Variants in ZBTB25 observed in about 807,000 individuals in gnomAD.
The protein encoded by ZBTB25 is zinc finger and BTB domain-containing protein 25.
Under a neutral mutation model 34.2 loss-of-function variants are expected in ZBTB25, and 20 were observed. That is an observed-to-expected ratio of 0.58 (90% CI 0.41 to 0.85). The LOEUF (loss-of-function observed/expected upper bound fraction) is 0.85. Ranked by LOEUF, ZBTB25 falls within the 40% of genes least tolerant of loss-of-function variation. The probability of loss-of-function intolerance (pLI) is 0.00; values close to 1 mark genes in which losing one functional copy is unlikely to be tolerated. For missense variants in ZBTB25, 437 were observed against 521.8 expected (o/e 0.84, Z 1.58); for synonymous variants, 175 against 186.4 (o/e 0.94, Z 0.50).
At chr14:64,464,406 AT>A (rs1211807636) in intron 2 of ZBTB25, among the ~76,000 whole-genome samples, 7 of 152,260 alleles carry the variant, frequency 4.6e-5, no homozygotes, top group African/African-American at 1.7e-4. Context: ...TTTATCTGTA[AT>A]TTTAAGATCT....
intron 2 of ZBTB25, 29 bp downstream of exon 2, chr14:64,490,332 A>T (rs781365688): frequency 3.5e-5 from 52 of 1,496,368 alleles, no homozygotes; most frequent in Non-Finnish European, 4.6e-5. Context: ...CAATATTAAA[A>T]ATTCTTATTT....
chr14:64,499,301 A>C (rs2079403464), intron 1 of ZBTB25: 1 of 152,106 alleles, frequency 6.6e-6, no homozygotes. Context: ...ATGGCCAGGC[A>C]TGGTGGCTCG....
intron 2 of ZBTB25, among the ~76,000 whole-genome samples, chr14:64,457,459 C>CTT (rs35789478): frequency 5.1e-4 from 73 of 143,202 alleles, no homozygotes; most frequent in South Asian, 1.8e-3. Flanking sequence ...TTTTCTTTTC[C>CTT]TTTTTTTTTT....
intron 1 of ZBTB25, among the ~76,000 whole-genome samples, chr14:64,494,618 G>A (rs752273529): frequency 2.0e-5 from 3 of 151,872 alleles, no homozygotes; most frequent in Non-Finnish European, 2.9e-5. Context: ...AACAGAGCGA[G>A]ACTCTGTCTC....
Position 64,458,106 on chromosome 14 carries a change from G to A in ZBTB25, c.174-8468C>T. 10 of 885,270 alleles carry A rather than the reference G, an allele frequency of 1.1e-5. No homozygotes were observed. In the South Asian group the frequency reaches 1.3e-4, roughly 12 times the overall value. The allele number at this position is 885,270 out of a possible 1,614,324, so 54.8% of individuals were successfully genotyped here. On this transcript the variant is annotated intron_variant, in intron 2 of 2. Transcript: ENST00000555220. ...GGGTCTCACTATGTTGCCCAGGGTG[G>A]TTTAGAACTCCTGGCCTCAAGTGAT...
At chr14:64,495,517 T>C (rs1940036429) in intron 1 of ZBTB25, among the ~76,000 whole-genome samples, 1 of 152,250 alleles carries the variant, frequency 6.6e-6, no homozygotes, top group African/African-American at 2.4e-5. Context: ...TTATTACAGT[T>C]GTAGCCACCT....
intron 2 of ZBTB25, chr14:64,454,664 G>A: frequency 2.9e-6 from 4 of 1,397,774 alleles, no homozygotes; most frequent in Non-Finnish European, 4.1e-6. Context: ...GGGCCCAGAT[G>A]GTCATTGCTG....
chr14:64,494,383 A>T (rs1255042636), intron 1 of ZBTB25, among the ~76,000 whole-genome samples: 1 of 152,256 alleles, frequency 6.6e-6, no homozygotes, highest in African/African-American at 2.4e-5. Flanking sequence ...CTGTAATCCC[A>T]GCCCTTTGGG....
downstream of ZBTB25, among the ~76,000 whole-genome samples, chr14:64,476,434 T>A (rs1040771689): frequency 6.6e-6 from 1 of 152,184 alleles, no homozygotes; most frequent in Admixed American, 6.5e-5. Flanking sequence ...CAAGCTATTC[T>A]CTTGCCTCAG....
chr14:64,479,090 T>C lies in ZBTB25; in HGVS notation c.*7833A>G, dbSNP rs917163546. On this transcript the variant is annotated 3_prime_UTR_variant, in exon 3 of 3. Coordinates refer to ENST00000608382, the MANE Select transcript of ZBTB25 (RefSeq NM_006977.5). ...AAGCTGGGATCAAGGATAATACAAA[T>C]AGAATTTAATTCTGAACACATCTCA... The C allele has an allele frequency of 2.0e-5, 3 of 152,214 alleles. No homozygotes were observed. Among genetic ancestry groups the C allele is most frequent in the African/African-American group, 7.2e-5 (3 of 41,444 alleles). 9.4% of individuals were successfully genotyped at this position (152,214 alleles called of 1,614,324 possible).
intron 2 of ZBTB25, chr14:64,468,050 C>G (rs932073294): frequency 6.2e-6 from 1 of 161,904 alleles, no homozygotes; most frequent in African/African-American, 2.4e-5. Context: ...CTGGTAGAAT[C>G]TTATACATTC....
chr14:64,454,999 G>A (rs2078446159), intron 2 of ZBTB25: 2 of 993,658 alleles, frequency 2.0e-6, no homozygotes, highest in Non-Finnish European at 3.2e-6. Flanking sequence ...TTGGAATCGG[G>A]CCTATTATGA....
intron 2 of ZBTB25, chr14:64,458,168 A>T (rs1199703164): frequency 1.4e-6 from 2 of 1,440,130 alleles, no homozygotes; most frequent in Non-Finnish European, 2.0e-6. Flanking sequence ...GGCGTGAGCC[A>T]CTGTGCCCAG....
At chr14:64,450,734 G>A (rs1279464436) in intron 2 of ZBTB25, among the ~76,000 whole-genome samples, 4 of 152,092 alleles carry the variant, frequency 2.6e-5, no homozygotes, top group Admixed American at 2.0e-4. Flanking sequence ...TTAAGACAGG[G>A]TCTTGCTCTG....
At chr14:64,470,012 T>C (rs1237529692) in intron 2 of ZBTB25, 2 of 199,714 alleles carry the variant, frequency 1.0e-5, no homozygotes, top group African/African-American at 2.4e-5. Flanking sequence ...AGCTTTTTAA[T>C]GACCTCTGAT....
chr14:64,475,450 T>C (rs1168069567), downstream of ZBTB25, among the ~76,000 whole-genome samples: 1 of 150,680 alleles, frequency 6.6e-6, no homozygotes, highest in Non-Finnish European at 1.5e-5. Flanking sequence ...AAAAAAAGTT[T>C]TATTAAATCT....
In ZBTB25 at chr14:64,478,591, G is replaced by A. The variant is rs2078742217; in HGVS notation, c.*8332C>T. 6.6e-6 allele frequency: 1 copy of A among 152,160 alleles called. No individual in the cohort carries two copies. Among genetic ancestry groups the A allele is most frequent in the Admixed American group, 6.5e-5 (1 of 15,272 alleles). 9.4% of individuals were successfully genotyped at this position (152,160 alleles called of 1,614,324 possible). A position where few individuals can be genotyped will look rare whatever the true frequency, so the allele number is the denominator to read the frequency against. On this transcript the variant is annotated 3_prime_UTR_variant, in exon 3 of 3. Transcript: ENST00000608382. Reference sequence around the variant, plus strand: ...AAATTCCAAGGCCTCACAGTTAATGGCTTGGAAAAATCTTCAGAAATGCTC... The same window carrying A: ...AAATTCCAAGGCCTCACAGTTAATGACTTGGAAAAATCTTCAGAAATGCTC...
intron 2 of ZBTB25, among the ~76,000 whole-genome samples, chr14:64,463,977 TAG>T (rs959760960): frequency 6.6e-6 from 1 of 151,954 alleles, no homozygotes; most frequent in Non-Finnish European, 1.5e-5. Flanking sequence ...TAGCAACCCA[TAG>T]AGAGATACGC....
chr14:64,466,521 A>T (rs1566586007), intron 2 of ZBTB25, among the ~76,000 whole-genome samples: 4 of 152,246 alleles, frequency 2.6e-5, no homozygotes, highest in Non-Finnish European at 4.4e-5. Flanking sequence ...AGATTTAAAC[A>T]GTTATCAGCT....
Sources: allele counts gnomAD v4.1 joint callset (sites outside exome capture counted in the v4.1 genomes callset), GRCh38; gene constraint gnomAD v4.1.1; transcripts MANE v1.5; gene names NCBI Gene and HGNC (gene_info 2026-07-23, HGNC 2026-07-21).